The following CTNND2 variants were observed in gnomAD, a reference collection of about 807,000 sequenced individuals.
The protein encoded by CTNND2 is catenin delta-2.
A neutral mutation model predicts 144.4 loss-of-function variants in CTNND2; 22 were observed. That is an observed-to-expected ratio of 0.15 (90% CI 0.11 to 0.22). The LOEUF (loss-of-function observed/expected upper bound fraction) is 0.22. Ranked by LOEUF, CTNND2 falls within the 10% of genes least tolerant of loss-of-function variation. The pLI, the probability that CTNND2 is intolerant of heterozygous loss-of-function variation, is 1.00. For missense variants in CTNND2, 1,353 were observed against 1,618.8 expected, an observed-to-expected ratio of 0.84 and a Z score of 2.82; for synonymous variants, 751 against 695.6, an observed-to-expected ratio of 1.08 and a Z score of -1.25.
intron 1 of CTNND2, among the ~76,000 whole-genome samples, chr5:11,845,347 T>C (rs1794684025): frequency 6.6e-6 from 1 of 152,172 alleles, no homozygotes; most frequent in Non-Finnish European, 1.5e-5. Flanking sequence ...ATGGACTATA[T>C]TATGTCCTCC....
chr5:11,267,544 C>T (rs1022481008), intron 9 of CTNND2, among the ~76,000 whole-genome samples: 4 of 152,188 alleles, frequency 2.6e-5, no homozygotes, highest in African/African-American at 9.6e-5. Flanking sequence ...AACTGGTTGT[C>T]TTTTCTGCAA....
At chr5:11,496,032 A>G (rs1769901020) in intron 3 of CTNND2, among the ~76,000 whole-genome samples, 1 of 151,844 alleles carries the variant, frequency 6.6e-6, no homozygotes, top group African/African-American at 2.4e-5. Context: ...TCTTTTCCAT[A>G]TTTTCTCACT....
intron 9 of CTNND2, among the ~76,000 whole-genome samples, chr5:11,276,066 T>C (rs975241323): frequency 6.6e-6 from 1 of 152,220 alleles, no homozygotes; most frequent in Non-Finnish European, 1.5e-5. Context: ...TAATGATGTA[T>C]TGATTTAAAA....
rs558510320 is a variant in CTNND2 at position 11,216,059 on chromosome 5, G to A, written c.1762-16398C>T. On this transcript the variant is annotated intron_variant, in intron 10 of 21. Coordinates refer to ENST00000304623, the MANE Select transcript of CTNND2 (RefSeq NM_001332.4). ...CAACTAGTCAAAGGAATAATGCTCT[G>A]TTAAGTGGTAAAAAATCCTGAATCT... is the stretch of plus-strand genomic sequence containing the variant. Among the ~76,000 whole-genome samples, 17 of 152,328 alleles carry A rather than the reference G, an allele frequency of 1.1e-4. No homozygotes were observed. In the East Asian group the frequency reaches 1.7e-3, roughly 16 times the overall value.
intron 2 of CTNND2, among the ~76,000 whole-genome samples, chr5:11,662,176 T>C (rs1335113380): frequency 2.1e-5 from 3 of 145,924 alleles, no homozygotes; most frequent in Non-Finnish European, 4.5e-5. Context: ...TGTGTATATA[T>C]ACATATATGT....
chr5:11,409,064 T>G (rs1761313661), intron 5 of CTNND2, among the ~76,000 whole-genome samples: 1 of 152,008 alleles, frequency 6.6e-6, no homozygotes, highest in African/African-American at 2.4e-5. Context: ...AATCATGAAG[T>G]TAAGATATCC....
intron 1 of CTNND2, among the ~76,000 whole-genome samples, chr5:11,863,710 A>G (rs1282826550): frequency 6.6e-6 from 1 of 152,212 alleles, no homozygotes; most frequent in East Asian, 1.9e-4. Flanking sequence ...CTTCTATCAA[A>G]GTACCACTTC....
At chr5:11,644,738 A>G (rs557714769) in intron 2 of CTNND2, among the ~76,000 whole-genome samples, 1 of 152,282 alleles carries the variant, frequency 6.6e-6, no homozygotes, top group East Asian at 1.9e-4. Context: ...TTACAAAAAC[A>G]TAACAGCAAA....
At chr5:11,493,324 C>A (rs1769620854) in intron 3 of CTNND2, among the ~76,000 whole-genome samples, 1 of 152,082 alleles carries the variant, frequency 6.6e-6, no homozygotes, top group Non-Finnish European at 1.5e-5. Flanking sequence ...GGGGAAGGAA[C>A]TGAGATTTCA....
In CTNND2 at chr5:11,533,807, T is replaced by C. The variant is rs768259288; in HGVS notation, c.287+31137A>G. ...TGACTCAGGAGTTCTGGGATGGACC[T>C]GAGATTCCGCATGTCTAACAAGATT... On this transcript the variant is annotated intron_variant, in intron 3 of 21. Transcript: ENST00000304623. Among the ~76,000 whole-genome samples the C allele has an allele frequency of 3.2e-4, 48 of 152,200 alleles. 1 individual carries two copies. The highest frequency in any genetic ancestry group is 5.7e-4 in the Non-Finnish European group (39 of 68,024).
chr5:11,667,734 TA>T (rs1203791782), intron 2 of CTNND2, among the ~76,000 whole-genome samples: 16 of 152,212 alleles, frequency 1.1e-4, no homozygotes, highest in South Asian at 4.1e-4. Context: ...ACTCTGTTGA[TA>T]GTTTATTTTG....
intron 1 of CTNND2, among the ~76,000 whole-genome samples, chr5:11,759,237 A>G (rs532297255): frequency 2.2e-4 from 33 of 152,018 alleles, no homozygotes; most frequent in African/African-American, 5.3e-4. Flanking sequence ...TAATTGGGAG[A>G]TGAAATTTTA....
chr5:11,228,212 G>A (rs1740574180), intron 10 of CTNND2, among the ~76,000 whole-genome samples: 1 of 151,672 alleles, frequency 6.6e-6, no homozygotes, highest in African/African-American at 2.4e-5. Flanking sequence ...AGGCGTGGTG[G>A]TGAATGCCTG....
At chr5:11,058,205 GA>G (rs1045547920) in intron 16 of CTNND2, among the ~76,000 whole-genome samples, 2 of 152,216 alleles carry the variant, frequency 1.3e-5, no homozygotes, top group African/African-American at 4.8e-5. Flanking sequence ...AGACAATGGG[GA>G]AAATGTCTCC....
chr5:11,563,488 T>C (rs1776834236), intron 3 of CTNND2, among the ~76,000 whole-genome samples: 1 of 152,232 alleles, frequency 6.6e-6, no homozygotes, highest in Non-Finnish European at 1.5e-5. Flanking sequence ...TAGTCCAACT[T>C]ATAAAACCAA....
chr5:11,224,460 A>G (rs1740116633), intron 10 of CTNND2, among the ~76,000 whole-genome samples: 1 of 152,076 alleles, frequency 6.6e-6, no homozygotes, highest in African/African-American at 2.4e-5. Context: ...CCCTCAGCAC[A>G]TTCCTTGCTC....
chr5:11,680,577 G>C (rs767543170), intron 2 of CTNND2, among the ~76,000 whole-genome samples: 2 of 152,190 alleles, frequency 1.3e-5, no homozygotes, highest in Non-Finnish European at 2.9e-5. Context: ...AAGGTTTTCA[G>C]CGAGAAATTA....
At chr5:11,622,201 T>C (rs1454132554) in intron 2 of CTNND2, among the ~76,000 whole-genome samples, 1 of 152,142 alleles carries the variant, frequency 6.6e-6, no homozygotes, top group Non-Finnish European at 1.5e-5. Context: ...TTCCTCAAGG[T>C]CTAAAAATAC....
intron 8 of CTNND2, among the ~76,000 whole-genome samples, chr5:11,354,084 G>T (rs1755618094): frequency 6.6e-6 from 1 of 152,120 alleles, no homozygotes; most frequent in Non-Finnish European, 1.5e-5. Flanking sequence ...ACCTGAGCAG[G>T]TTTCCTACCT....
Sources: allele counts gnomAD v4.1 joint callset (sites outside exome capture counted in the v4.1 genomes callset), GRCh38; gene constraint gnomAD v4.1.1; transcripts MANE v1.5; gene names NCBI Gene and HGNC (gene_info 2026-07-23, HGNC 2026-07-21).